NRXN1: variants seen among roughly 807,000 people sequenced by gnomAD.
NRXN1 encodes the protein neurexin 1.
A neutral mutation model predicts 150.9 loss-of-function variants in NRXN1; 39 were observed. The ratio of observed to expected loss-of-function variants is 0.26; its 90% CI spans 0.20 to 0.34. The LOEUF (loss-of-function observed/expected upper bound fraction) is 0.34, where lower values mean the gene tolerates loss of function less well. Among genes scored for constraint, NRXN1 ranks in the 10% least tolerant of loss-of-function variants. NRXN1 has a pLI of 1.00. For missense variants in NRXN1, 1,815 were observed against 1,949.9 expected (o/e 0.93, Z 1.30); for synonymous variants, 924 against 757.0 (o/e 1.22, Z -3.62).
intron 17 of NRXN1, among the ~76,000 whole-genome samples, chr2:50,334,209 A>ATATATATG (rs760530144): frequency 0.011 from 1,340 of 121,420 alleles, 183 homozygotes; most frequent in African/African-American, 0.049. Context: ...ATATATATAT[A>ATATATATG]TATGTATGTA....
At chr2:50,684,404 A>C (rs988562466) in intron 5 of NRXN1, among the ~76,000 whole-genome samples, 2 of 152,080 alleles carry the variant, frequency 1.3e-5, no homozygotes, top group Admixed American at 6.6e-5. Context: ...TAGGAGGCTA[A>C]GGTGGGAAGA....
intron 5 of NRXN1, among the ~76,000 whole-genome samples, chr2:50,653,932 A>G (rs988594620): frequency 3.4e-5 from 5 of 148,750 alleles, no homozygotes; most frequent in African/African-American, 1.2e-4. Flanking sequence ...ATACAGGTAG[A>G]ATCTCACTAT....
chr2:50,782,402 G>A (rs1399608519), intron 5 of NRXN1, among the ~76,000 whole-genome samples: 1 of 151,962 alleles, frequency 6.6e-6, no homozygotes, highest in Non-Finnish European at 1.5e-5. Flanking sequence ...CCTGGGAAAA[G>A]GGGTTGCAGT....
At chr2:50,475,102 C>A (rs542444759) in intron 15 of NRXN1, among the ~76,000 whole-genome samples, 1 of 152,092 alleles carries the variant, frequency 6.6e-6, no homozygotes, top group East Asian at 1.9e-4. Flanking sequence ...ATTTGTTGAA[C>A]AAAATTTGTT....
chr2:50,907,177 C>T (rs1369108933), intron 5 of NRXN1, among the ~76,000 whole-genome samples: 1 of 149,392 alleles, frequency 6.7e-6, no homozygotes, highest in Admixed American at 6.7e-5. Context: ...CTGAAAAAAA[C>T]CAAAAAACCA....
chr2:50,053,332 G>A lies in NRXN1; in HGVS notation c.4067C>T (p.Thr1356Met), dbSNP rs199701703. ...EMSTSIMETT[T>M]TLATSTARRG... is the part of the protein sequence containing the mutation. ...TCTGGCTGTGCTAGTAGCCAGGGTC[G>A]TGGTAGTCTCCATAATTGATGTGGA... Residue 1356 changes from threonine (T) to methionine (M), a missense_variant, in exon 21 of 23, where the codon ACG becomes ATG. By Grantham distance (81) the Thr-to-Met change is moderately conservative. This residue lies in a region of NRXN1 where 265 missense variants were observed against 307.1 expected (regional missense o/e 0.86). Coordinates refer to ENST00000401669, the MANE Select transcript of NRXN1 (RefSeq NM_001330078.2). 1.5e-5 allele frequency: 25 copies of A among 1,613,910 alleles called. No homozygotes were observed. Among genetic ancestry groups the A allele is most frequent in the East Asian group, 6.7e-5 (3 of 44,890 alleles).
chr2:50,842,888 G>A (rs1463062031), intron 5 of NRXN1, among the ~76,000 whole-genome samples: 1 of 152,076 alleles, frequency 6.6e-6, no homozygotes, highest in Non-Finnish European at 1.5e-5. Context: ...CACTGTAATT[G>A]TTCTAGTCTT....
chr2:50,239,958 G>A (rs558873666), intron 17 of NRXN1, among the ~76,000 whole-genome samples: 1 of 150,906 alleles, frequency 6.6e-6, no homozygotes, highest in African/African-American at 2.4e-5. Context: ...TTTAGTTGGG[G>A]TACACTTCCC....
At position 50,542,097 on chromosome 2, in the gene NRXN1, C is replaced by T. The variant is rs2093403340; in HGVS notation, c.1760-3461G>A. Among the ~76,000 whole-genome samples the T allele has an allele frequency of 2.0e-5, 3 of 152,252 alleles. No individual in the cohort carries two copies. In the South Asian group the frequency reaches 6.2e-4, roughly 32 times the overall value. Reference sequence around the variant, plus strand: ...AGGAGTTCGAGACCAGCCTGACCAACATGGAGAAACCCCATCTCTACTAAA... The same window carrying T: ...AGGAGTTCGAGACCAGCCTGACCAATATGGAGAAACCCCATCTCTACTAAA... On this transcript the variant is annotated intron_variant, in intron 9 of 22. Transcript: ENST00000401669.
intron 21 of NRXN1, among the ~76,000 whole-genome samples, chr2:50,003,983 C>G (rs1335351511): frequency 6.6e-6 from 1 of 152,054 alleles, no homozygotes; most frequent in African/African-American, 2.4e-5. Flanking sequence ...CATAATAATT[C>G]AAACACATTG....
At chr2:50,391,086 T>G (rs967810180) in intron 17 of NRXN1, among the ~76,000 whole-genome samples, 1 of 152,094 alleles carries the variant, frequency 6.6e-6, no homozygotes, top group South Asian at 2.1e-4. Flanking sequence ...TTCAAGAATT[T>G]TGGCCTCCCT....
chr2:51,004,322 G>C (rs188662484), intron 2 of NRXN1, among the ~76,000 whole-genome samples: 116 of 152,034 alleles, frequency 7.6e-4, no homozygotes, highest in African/African-American at 2.7e-3. Flanking sequence ...AATACATAAA[G>C]TATTTGCTTT....
At chr2:50,573,862 T>A (rs1671019934) in intron 8 of NRXN1, among the ~76,000 whole-genome samples, 1 of 152,068 alleles carries the variant, frequency 6.6e-6, no homozygotes, top group Non-Finnish European at 1.5e-5. Context: ...CTAGAGATGA[T>A]TTAAAGTATA....
chr2:50,865,673 T>TTTTA (rs1485254415), intron 5 of NRXN1, among the ~76,000 whole-genome samples: 1 of 136,302 alleles, frequency 7.3e-6, no homozygotes, highest in African/African-American at 2.7e-5. Context: ...TTTTTTTTTT[T>TTTTA]TTTTTTTTTT....
intron 17 of NRXN1, among the ~76,000 whole-genome samples, chr2:50,436,821 G>T (rs773151137): frequency 3.3e-5 from 5 of 152,066 alleles, no homozygotes; most frequent in Admixed American, 3.3e-4. Context: ...TTTGCTGAGG[G>T]AGTCTTGCAA....
chr2:50,588,766 G>C (rs187162688), intron 8 of NRXN1: 1 of 152,292 alleles, frequency 6.6e-6, no homozygotes, highest in African/African-American at 2.4e-5. Flanking sequence ...CTACGGCTCA[G>C]AGTACCGCGG....
chr2:50,288,047 T>C (rs1218546212), intron 17 of NRXN1, among the ~76,000 whole-genome samples: 2 of 152,104 alleles, frequency 1.3e-5, no homozygotes, highest in Non-Finnish European at 2.9e-5. Context: ...ACAACCTAAA[T>C]ACATCTTTGA....
intron 2 of NRXN1, among the ~76,000 whole-genome samples, chr2:50,986,819 T>C (rs1235158870): frequency 6.6e-6 from 1 of 151,546 alleles, no homozygotes; most frequent in African/African-American, 2.4e-5. Flanking sequence ...ACAGAAAAAA[T>C]GCTTATTAGA....
chr2:50,259,190 T>G (rs540163651), intron 17 of NRXN1, among the ~76,000 whole-genome samples: 5 of 151,986 alleles, frequency 3.3e-5, no homozygotes, highest in Non-Finnish European at 5.9e-5. Context: ...GATACCTACA[T>G]GGCATCTTCT....
Sources: gnomAD v4.1 joint callset for allele counts (sites outside exome capture counted in the v4.1 genomes callset) on GRCh38, gnomAD v4.1.1 for gene constraint, gnomAD v4.1.1 regional missense constraint, MANE v1.5 for transcripts, NCBI Gene and HGNC (gene_info 2026-07-23, HGNC 2026-07-21) for gene names.